USP45: variants seen among roughly 807,000 people sequenced by gnomAD.
USP45 encodes ubiquitin carboxyl-terminal hydrolase 45.
USP45 carries 89 observed loss-of-function variants against 95.8 expected under a neutral mutation model. That is an observed-to-expected ratio of 0.93 (90% CI 0.78 to 1.11). The LOEUF (loss-of-function observed/expected upper bound fraction) is 1.11, where lower values mean the gene tolerates loss of function less well. USP45 is among the 50% of genes least tolerant of loss of function. The pLI is 0.00. For missense variants in USP45, 898 were observed against 942.5 expected (o/e 0.95, Z 0.62); for synonymous variants, 281 against 316.2 (o/e 0.89, Z 1.18).
intron 5 of USP45, among the ~76,000 whole-genome samples, chr6:99,498,032 G>A (rs763252508): frequency 3.7e-4 from 56 of 152,098 alleles, no homozygotes; most frequent in Non-Finnish European, 7.5e-4. Flanking sequence ...TTGTTCTCAC[G>A]GTCCCTCGTA....
At chr6:99,485,442 CAGAA>C (rs1793648651) in intron 7 of USP45, among the ~76,000 whole-genome samples, 1 of 152,110 alleles carries the variant, frequency 6.6e-6, no homozygotes, top group African/African-American at 2.4e-5. Context: ...ATAATGTTGA[CAGAA>C]AGAAGCCAAA....
Position 99,447,342 on chromosome 6 carries a change from T to C in USP45, c.1309-879A>G, listed in dbSNP as rs572985103. On this transcript the variant is annotated intron_variant, in intron 13 of 17. Transcript: ENST00000500704. The stretch of plus-strand genomic sequence containing the variant: ...ATAAAGAAAAGACTATCATGAGTAA[T>C]TGATACTCAGTTTTAGTTATTCAGG... 1.2e-4 allele frequency among the ~76,000 whole-genome samples: 18 copies of C among 152,308 alleles called. No homozygotes were observed. In the East Asian group the frequency reaches 3.5e-3, roughly 29 times the overall value.
At chr6:99,460,842 C>G (rs1471067363) in intron 13 of USP45, 2 of 980,848 alleles carry the variant, frequency 2.0e-6, no homozygotes, top group African/African-American at 3.5e-5. Context: ...AAAAAGAAAA[C>G]AGAGGAAATA....
rs758909814 is a variant in USP45, at chr6:99,437,226, ATAAACT to A, written c.2314+14_2314+19del. The A allele has an allele frequency of 1.5e-4, 238 of 1,589,328 alleles. No individual in the cohort carries two copies. Among genetic ancestry groups the A allele is most frequent in the Non-Finnish European group, 1.9e-4 (228 of 1,172,824 alleles). On this transcript the variant is annotated intron_variant, in intron 17 of 17. Transcript: ENST00000500704. ...ATATTCGTTTGTTTTTAAGAATAAA[ATAAACT>A]TAGGATGGCATACCAGGCACATTTT...
chr6:99,458,331 T>TA (rs1422749858), intron 13 of USP45, among the ~76,000 whole-genome samples: 4 of 152,174 alleles, frequency 2.6e-5, no homozygotes, highest in African/African-American at 9.7e-5. Flanking sequence ...TATCAGCTAT[T>TA]ACGATTGGCA....
chr6:99,432,819 G>A lies in USP45; in HGVS notation c.*2897C>T, dbSNP rs1779912062. ...GTACTACAAAAATTAGATGAGGGTT[G>A]ATACATTTCACAGCTTAATCTTCAG... On this transcript the variant is annotated 3_prime_UTR_variant, in exon 18 of 18. Coordinates refer to ENST00000500704, the MANE Select transcript of USP45 (RefSeq NM_001346022.3). 6.6e-6 allele frequency: 1 copy of A among 152,582 alleles called. No homozygotes were observed. The highest frequency in any genetic ancestry group is 2.1e-4 in the South Asian group (1 of 4,828). The allele number at this position is 152,582 out of a possible 1,614,324, so 9.5% of individuals were successfully genotyped here.
In USP45 at chr6:99,437,288, T is replaced by G. The variant is rs140117198; in HGVS notation, c.2272A>C (p.Arg758=). Residue 758 remains arginine (R), a synonymous_variant, in exon 17 of 18, where the codon AGG becomes CGG. Transcript: ENST00000500704. ...TAYVKVRTPS[R]KLSEHNTKKK... ...TTAGTGTTATGTTCCGATAATTTCC[T>G]GGAGGGTGTTCTCACTTTCACATAA... The G allele has an allele frequency of 3.3e-5, 54 of 1,612,728 alleles. No homozygotes were observed. The African/African-American group carries it at 5.5e-4, about 16-fold the overall frequency.
At chr6:99,476,340 A>C in intron 8 of USP45, 110 bp from the exon 9 acceptor site, 1 of 1,054,870 alleles carries the variant, frequency 9.5e-7, no homozygotes, top group Non-Finnish European at 1.4e-6. Flanking sequence ...TGGGTGCGGC[A>C]GCCTACGCCT....
upstream of USP45, among the ~76,000 whole-genome samples, chr6:99,515,941 A>AT (rs1204861011): frequency 6.6e-6 from 1 of 151,452 alleles, no homozygotes; most frequent in African/African-American, 2.4e-5. Context: ...CGCCCGGCTA[A>AT]TTTTTTGTAT....
chr6:99,458,249 G>A (rs1412201948), intron 13 of USP45, among the ~76,000 whole-genome samples: 1 of 152,106 alleles, frequency 6.6e-6, no homozygotes, highest in East Asian at 1.9e-4. Context: ...TCCATCTCCG[G>A]ACCTTGGGAT....
intron 13 of USP45, among the ~76,000 whole-genome samples, chr6:99,456,687 T>G (rs1329945139): frequency 1.3e-5 from 2 of 152,200 alleles, no homozygotes; most frequent in African/African-American, 4.8e-5. Flanking sequence ...CTGAGGAGGA[T>G]GTATGTTGCC....
In USP45 at chr6:99,466,748, C is replaced by T; in HGVS notation, c.1031G>A (p.Gly344Asp). Residue 344 changes from glycine (G) to aspartate (D), a missense_variant, in exon 11 of 18, where the codon GGT becomes GAT. Gly to Asp is a moderately conservative substitution (Grantham distance 94). Coordinates refer to ENST00000500704, the MANE Select transcript of USP45 (RefSeq NM_001346022.3). ...CCGATCTATGAAGTTCATTTTCACA[C>T]CTTCTTTTCCATATGCTGTAAAAAT... The part of the protein sequence containing the change: ...RKKVKAYGKE[G>D]VKMNFIDRIF... The T allele has an allele frequency of 6.2e-7, 1 of 1,613,148 alleles. No individual in the cohort carries two copies. Among genetic ancestry groups the T allele is most frequent in the Admixed American group, 1.7e-5 (1 of 59,956 alleles).
At chr6:99,459,638 CA>C (rs1395748287) in intron 13 of USP45, among the ~76,000 whole-genome samples, 1 of 152,098 alleles carries the variant, frequency 6.6e-6, no homozygotes, top group Non-Finnish European at 1.5e-5. Context: ...GCAGCCTCGC[CA>C]GCATTTATTT....
At chr6:99,465,031 G>A (rs1454740833) in intron 12 of USP45, 49 bp downstream of exon 12, 2 of 1,430,776 alleles carry the variant, frequency 1.4e-6, no homozygotes, top group South Asian at 1.3e-5. Flanking sequence ...TTAAATAAAT[G>A]ATTAAATGTT....
chr6:99,508,746 C>T lies in USP45; in HGVS notation c.137G>A (p.Ser46Asn). 1.9e-6 allele frequency: 3 copies of T among 1,613,096 alleles called. No individual in the cohort carries two copies. The highest frequency in any genetic ancestry group is 2.5e-6 in the Non-Finnish European group (3 of 1,179,734). Residue 46 changes from serine to asparagine, a missense_variant, in exon 3 of 18, where the codon AGC (serine) becomes AAC (asparagine). Coordinates refer to ENST00000500704, the MANE Select transcript of USP45 (RefSeq NM_001346022.3). ...TATTGCTCTCTTTACATGATTCACGCTGATAGCATGACTTACATGTTGGCA... is the reference window on the plus strand; with the variant it reads ...TATTGCTCTCTTTACATGATTCACGTTGATAGCATGACTTACATGTTGGCA... ...LTCQHVSHAI[S>N]VNHVKRAIAE... is the part of the protein sequence containing the mutation.
At chr6:99,491,279 A>C (rs946280311) in intron 5 of USP45, among the ~76,000 whole-genome samples, 1 of 152,216 alleles carries the variant, frequency 6.6e-6, no homozygotes. Flanking sequence ...TGAATATAAA[A>C]GCAAATGAAA....
rs1378383815 is a variant in USP45 at position 99,503,975 on chromosome 6, G to A, written c.378-110C>T. On this transcript the variant is annotated intron_variant, in intron 4 of 17. Coordinates refer to ENST00000500704, the MANE Select transcript of USP45 (RefSeq NM_001346022.3). ...ACTTTTGTCTTTAAATTACATGGGA[G>A]GGAATACAAAGGGGAAGCCACCAGG... 6 of 723,464 alleles carry A rather than the reference G, an allele frequency of 8.3e-6. No homozygotes were observed. The Admixed American group carries it at 1.9e-4, about 22-fold the overall frequency. The allele number at this position is 723,464 out of a possible 1,614,324, so 44.8% of individuals were successfully genotyped here.
intron 7 of USP45, among the ~76,000 whole-genome samples, chr6:99,486,371 G>A (rs181751980): frequency 1.3e-3 from 198 of 152,188 alleles, no homozygotes; most frequent in African/African-American, 4.4e-3. Context: ...AGCTCTGCAT[G>A]TCAAATATTT....
At chr6:99,454,086 A>AT (rs1784490694) in intron 13 of USP45, among the ~76,000 whole-genome samples, 1 of 152,236 alleles carries the variant, frequency 6.6e-6, no homozygotes, top group South Asian at 2.1e-4. Flanking sequence ...ACAAGACTAC[A>AT]GTAACCAAAA....
Sources: gnomAD v4.1 joint callset for allele counts (sites outside exome capture counted in the v4.1 genomes callset) on GRCh38, gnomAD v4.1.1 for gene constraint, MANE v1.5 for transcripts, NCBI Gene and HGNC (gene_info 2026-07-23, HGNC 2026-07-21) for gene names.